The following ZFHX3 variants were observed in gnomAD, a reference collection of about 807,000 sequenced individuals.
ZFHX3 encodes zinc finger homeobox protein 3.
A neutral mutation model predicts 279.1 loss-of-function variants in ZFHX3; 42 were observed. That is an observed-to-expected ratio of 0.15 (90% CI 0.12 to 0.19). The LOEUF (loss-of-function observed/expected upper bound fraction) is 0.19. ZFHX3 is among the 10% of genes least tolerant of loss of function. The pLI, the probability that ZFHX3 is intolerant of heterozygous loss-of-function variation, is 1.00. For missense variants in ZFHX3, 4,981 were observed against 4,754.0 expected, an observed-to-expected ratio of 1.05 and a Z score of -1.40; for synonymous variants, 2,293 against 1,957.8, an observed-to-expected ratio of 1.17 and a Z score of -4.52.
At chr16:73,797,369 C>G (rs1960024788) in intron 1 of ZFHX3, among the ~76,000 whole-genome samples, 2 of 152,164 alleles carry the variant, frequency 1.3e-5, no homozygotes, top group African/African-American at 4.8e-5. Flanking sequence ...CTGACCTGCT[C>G]CTGTAGGGCC....
intron 3 of ZFHX3, among the ~76,000 whole-genome samples, chr16:73,378,897 C>T (rs1390399969): frequency 6.6e-6 from 1 of 152,156 alleles, no homozygotes; most frequent in African/African-American, 2.4e-5. Context: ...AGTACCTTCC[C>T]ATGCTTCATG....
At chr16:73,413,276 A>T (rs1219581979) in intron 3 of ZFHX3, among the ~76,000 whole-genome samples, 2 of 152,252 alleles carry the variant, frequency 1.3e-5, no homozygotes, top group African/African-American at 4.8e-5. Context: ...AGAGCAAAGA[A>T]CAGCACAGGA....
At chr16:72,826,982 A>G (rs977567775) in intron 5 of ZFHX3, among the ~76,000 whole-genome samples, 2 of 152,230 alleles carry the variant, frequency 1.3e-5, no homozygotes, top group Admixed American at 1.3e-4. Flanking sequence ...TGCTCTCAAC[A>G]AAGGCTGCCC....
At chr16:73,210,138 A>C (rs770197595) in intron 5 of ZFHX3, among the ~76,000 whole-genome samples, 4 of 152,234 alleles carry the variant, frequency 2.6e-5, no homozygotes, top group Non-Finnish European at 5.9e-5. Flanking sequence ...ATGCTCAGTT[A>C]AGGTGCTTGA....
intron 1 of ZFHX3, among the ~76,000 whole-genome samples, chr16:73,731,536 C>G (rs9935958): frequency 0.083 from 12,521 of 150,968 alleles, 842 homozygotes; most frequent in African/African-American, 0.18. Flanking sequence ...TTATTGTGAT[C>G]GGAACAAAAA....
At chr16:73,095,600 T>G (rs1228166141) in intron 7 of ZFHX3, among the ~76,000 whole-genome samples, 1 of 152,256 alleles carries the variant, frequency 6.6e-6, no homozygotes, top group Non-Finnish European at 1.5e-5. Context: ...GTGTCAGACC[T>G]TACGTGAAAG....
In ZFHX3 at chr16:73,184,779, A is replaced by T. The variant is rs114712292; in HGVS notation, c.-1103-40948T>A. ...TGAAACCCTATTTGGGAGAAAAAAA[A>T]TGTCAAACGTAAACCTGAAAACATA... On this transcript the variant is annotated intron_variant, in intron 5 of 17. Coordinates refer to the ZFHX3 transcript ENST00000641206. 9.8e-3 allele frequency among the ~76,000 whole-genome samples: 1,496 copies of T among 152,320 alleles called. 23 individuals carry two copies. The highest frequency in any genetic ancestry group is 0.033 in the African/African-American group (1,375 of 41,580).
intron 2 of ZFHX3, among the ~76,000 whole-genome samples, chr16:73,626,931 C>T (rs2052422382): frequency 6.6e-6 from 1 of 152,164 alleles, no homozygotes; most frequent in African/African-American, 2.4e-5. Context: ...CTCTGCTTAG[C>T]ATCTGGGATA....
At chr16:73,044,925 G>A (rs1241712649) in intron 1 of ZFHX3, among the ~76,000 whole-genome samples, 1 of 152,080 alleles carries the variant, frequency 6.6e-6, no homozygotes, top group Non-Finnish European at 1.5e-5. Context: ...CTGGCCAAAA[G>A]GTGAGTTTTA....
intron 3 of ZFHX3, among the ~76,000 whole-genome samples, chr16:72,947,933 G>A (rs942927057): frequency 3.3e-5 from 5 of 152,142 alleles, no homozygotes; most frequent in African/African-American, 1.2e-4. Flanking sequence ...GCCACACCAG[G>A]GCCTAGAGAA....
intron 5 of ZFHX3, among the ~76,000 whole-genome samples, chr16:73,152,814 A>C (rs1409017163): frequency 1.8e-5 from 1 of 56,906 alleles, no homozygotes. Flanking sequence ...AGGGGAGAGA[A>C]GGGGGCTGGG....
chr16:73,437,126 A>G (rs972319805), intron 3 of ZFHX3, among the ~76,000 whole-genome samples: 17 of 152,164 alleles, frequency 1.1e-4, no homozygotes, highest in African/African-American at 3.6e-4. Flanking sequence ...TTGGAGTAAT[A>G]TTAGGATGGT....
intron 7 of ZFHX3, among the ~76,000 whole-genome samples, chr16:73,126,301 G>C (rs1296544772): frequency 6.6e-6 from 1 of 152,180 alleles, no homozygotes; most frequent in Non-Finnish European, 1.5e-5. Flanking sequence ...CAGGCAATCA[G>C]CGAGAGGATA....
chr16:73,557,792 G>A (rs1279519534), intron 2 of ZFHX3, among the ~76,000 whole-genome samples: 1 of 152,088 alleles, frequency 6.6e-6, no homozygotes, highest in Non-Finnish European at 1.5e-5. Context: ...TCACTGTCTG[G>A]GAATGCAGTC....
intron 3 of ZFHX3, among the ~76,000 whole-genome samples, chr16:73,395,025 A>G (rs1243577053): frequency 1.3e-5 from 2 of 152,228 alleles, no homozygotes; most frequent in Non-Finnish European, 1.5e-5. Context: ...GTTTTGCCCC[A>G]TAGAGAACAT....
intron 1 of ZFHX3, among the ~76,000 whole-genome samples, chr16:73,008,716 A>T (rs1041257644): frequency 3.9e-5 from 6 of 152,222 alleles, no homozygotes; most frequent in Admixed American, 3.9e-4. Flanking sequence ...TCCCAGATAC[A>T]CCATCTAAGT....
chr16:73,514,593 C>T (rs1199662696), intron 2 of ZFHX3, among the ~76,000 whole-genome samples: 1 of 152,162 alleles, frequency 6.6e-6, no homozygotes, highest in Non-Finnish European at 1.5e-5. Flanking sequence ...AACCTGTGCA[C>T]CTATCATCTC....
intron 2 of ZFHX3, among the ~76,000 whole-genome samples, chr16:73,674,610 A>T (rs1338220612): frequency 3.3e-5 from 5 of 152,210 alleles, no homozygotes; most frequent in Non-Finnish European, 7.3e-5. Flanking sequence ...GCAATAGGAC[A>T]TGACAGTTTC....
chr16:72,957,812 A>AGCCACC lies in ZFHX3; in HGVS notation c.2328_2333dup (p.Val777_Ala778dup), dbSNP rs779744677. ...TGATATTGGCTGCCGCCGCCGCCGC[A>AGCCACC]GCCACCGCCGCCGCCGCCGCCCCGG... On this transcript the variant is annotated inframe_insertion, in exon 2 of 10. Coordinates refer to ENST00000268489, the MANE Select transcript of ZFHX3 (RefSeq NM_006885.4). 3.8e-6 allele frequency: 6 copies of AGCCACC among 1,582,012 alleles called. No individual in the cohort carries two copies. The East Asian group carries it at 9.0e-5, about 24-fold the overall frequency.
Sources: allele counts gnomAD v4.1 joint callset (sites outside exome capture counted in the v4.1 genomes callset), GRCh38; gene constraint gnomAD v4.1.1; transcripts MANE v1.5; gene names NCBI Gene and HGNC (gene_info 2026-07-23, HGNC 2026-07-21).